Variants in SPPL3 observed in about 807,000 individuals in gnomAD.
SPPL3 encodes signal peptide peptidase like 3.
A neutral mutation model predicts 42.4 loss-of-function variants in SPPL3; 5 were observed. That is an observed-to-expected ratio of 0.12 (90% CI 0.06 to 0.25). The LOEUF (loss-of-function observed/expected upper bound fraction) is 0.25. SPPL3 is among the 10% of genes least tolerant of loss of function. The pLI, the probability that SPPL3 is intolerant of heterozygous loss-of-function variation, is 1.00. For missense variants in SPPL3, 235 were observed against 489.0 expected (o/e 0.48, Z 4.90); for synonymous variants, 195 against 181.8 (o/e 1.07, Z -0.58).
rs142660253 is a variant in SPPL3, at chr12:120,886,204, G to C, written c.23+17641C>G. Among the ~76,000 whole-genome samples, 370 of 151,932 alleles carry C rather than the reference G, an allele frequency of 2.4e-3. 6 individuals carry two copies. The highest frequency in any genetic ancestry group is 3.7e-4 in the Non-Finnish European group (25 of 67,978). The stretch of plus-strand genomic sequence containing the variant: ...TTCTAGTAATCAACTGACTGACTAG[G>C]AGACACAATCTATACAACAGCCCAC... On this transcript the variant is annotated intron_variant, in intron 1 of 10. Transcript: ENST00000353487.
At chr12:120,827,615 A>G (rs1043011991) in intron 1 of SPPL3, among the ~76,000 whole-genome samples, 1 of 152,126 alleles carries the variant, frequency 6.6e-6, no homozygotes, top group Admixed American at 6.6e-5. Flanking sequence ...TTCTAGATCC[A>G]GAGGTCATGC....
At chr12:120,903,584 C>A in intron 1 of SPPL3, 2 of 451,506 alleles carry the variant, frequency 4.4e-6, no homozygotes, top group African/African-American at 2.1e-5. Context: ...TTCTCCATCA[C>A]CTGCTCCGCC....
intron 1 of SPPL3, among the ~76,000 whole-genome samples, chr12:120,900,127 C>T (rs540052132): frequency 2.0e-5 from 3 of 152,206 alleles, no homozygotes; most frequent in African/African-American, 7.2e-5. Context: ...CATCACCCAG[C>T]TCCAGTAATG....
intron 5 of SPPL3, among the ~76,000 whole-genome samples, chr12:120,783,168 G>A (rs1040900106): frequency 2.0e-5 from 3 of 152,156 alleles, no homozygotes; most frequent in African/African-American, 4.8e-5. Context: ...ATTCCTGCGA[G>A]CATCAGCTGC....
intron 2 of SPPL3, among the ~76,000 whole-genome samples, chr12:120,806,095 GAAC>G (rs1158024456): frequency 6.9e-6 from 1 of 144,712 alleles, no homozygotes; most frequent in Non-Finnish European, 1.5e-5. Context: ...ATTTGTAAAA[GAAC>G]AACACTTACT....
At position 120,782,783 on chromosome 12, in the gene SPPL3, C is replaced by T; in HGVS notation, c.390-16G>A. The T allele has an allele frequency of 6.4e-7, 1 of 1,572,190 alleles. No homozygotes were observed. On this transcript the variant is annotated splice_polypyrimidine_tract_variant and intron_variant, in intron 5 of 10. Coordinates refer to ENST00000353487, the MANE Select transcript of SPPL3 (RefSeq NM_139015.5). ...AAAGGAAATCCTGGAAAACACACAA[C>T]ACTTATTGGACAGTGGGCACACTTT...
intron 2 of SPPL3, among the ~76,000 whole-genome samples, chr12:120,798,902 G>A (rs141219070): frequency 6.6e-6 from 1 of 152,250 alleles, no homozygotes; most frequent in Non-Finnish European, 1.5e-5. Flanking sequence ...AGCTGCTACG[G>A]AGCCTCTCCC....
At chr12:120,802,164 G>C (rs895391950) in intron 2 of SPPL3, among the ~76,000 whole-genome samples, 5 of 152,002 alleles carry the variant, frequency 3.3e-5, no homozygotes, top group African/African-American at 7.2e-5. Context: ...TTCTAGGCCT[G>C]CCTTTAGGAA....
At chr12:120,789,109 G>A (rs1869819659) in intron 3 of SPPL3, among the ~76,000 whole-genome samples, 3 of 152,196 alleles carry the variant, frequency 2.0e-5, no homozygotes, top group Non-Finnish European at 4.4e-5. Flanking sequence ...AGCAGGCACT[G>A]AAGAAATGTT....
intron 1 of SPPL3, among the ~76,000 whole-genome samples, chr12:120,863,516 T>C (rs752195584): frequency 2.0e-5 from 3 of 152,206 alleles, no homozygotes; most frequent in Non-Finnish European, 4.4e-5. Flanking sequence ...CTATGATATA[T>C]AGTTTGGTTC....
At chr12:120,864,582 C>G (rs938393921) in intron 1 of SPPL3, among the ~76,000 whole-genome samples, 1 of 152,122 alleles carries the variant, frequency 6.6e-6, no homozygotes, top group African/African-American at 2.4e-5. Context: ...GCCCAAAAAT[C>G]TTATCACTGG....
chr12:120,853,307 C>G (rs1872324871), intron 1 of SPPL3, among the ~76,000 whole-genome samples: 1 of 152,130 alleles, frequency 6.6e-6, no homozygotes, highest in African/African-American at 2.4e-5. Context: ...GTCTACAGAA[C>G]TATATTATAT....
In SPPL3 at chr12:120,779,820, C is replaced by CAAAAAAAAAAAAAA. The variant is rs1164272443; in HGVS notation, c.502+2821_502+2834dup. On this transcript the variant is annotated intron_variant, in intron 6 of 10. Transcript: ENST00000353487. The stretch of plus-strand genomic sequence containing the variant: ...CGAAACCTTGTCTCTACTAAAAATA[C>CAAAAAAAAAAAAAA]AAAAAAAAAAAAAAAAAAAAAAAAA... 7.2e-4 allele frequency among the ~76,000 whole-genome samples: 31 copies of CAAAAAAAAAAAAAA among 42,774 alleles called. 1 individual carries two copies. Among genetic ancestry groups the CAAAAAAAAAAAAAA allele is most frequent in the African/African-American group, 1.7e-3 (19 of 11,452 alleles). The allele number at this position is 42,774 out of a possible 152,430, so 28.1% of individuals were successfully genotyped here. A position where few individuals can be genotyped will look rare whatever the true frequency, so the allele number is the denominator to read the frequency against.
intron 1 of SPPL3, among the ~76,000 whole-genome samples, chr12:120,875,637 A>G (rs1015708031): frequency 4.6e-5 from 7 of 152,016 alleles, no homozygotes; most frequent in Non-Finnish European, 1.0e-4. Flanking sequence ...AAAAAAAAAA[A>G]AGAGATAAAA....
intron 1 of SPPL3, among the ~76,000 whole-genome samples, chr12:120,813,321 T>A (rs1698858076): frequency 6.6e-6 from 1 of 150,634 alleles, no homozygotes; most frequent in African/African-American, 2.4e-5. Flanking sequence ...TCCTCAGCTT[T>A]TTTTTTTTTT....
intron 1 of SPPL3, among the ~76,000 whole-genome samples, chr12:120,853,475 A>G (rs1872331180): frequency 6.6e-6 from 1 of 152,226 alleles, no homozygotes; most frequent in African/African-American, 2.4e-5. Flanking sequence ...AATGTACACA[A>G]TAGTAGCAAA....
chr12:120,855,054 G>T (rs1872405799), intron 1 of SPPL3, among the ~76,000 whole-genome samples: 1 of 152,150 alleles, frequency 6.6e-6, no homozygotes, highest in Non-Finnish European at 1.5e-5. Context: ...CCTACTTCTA[G>T]TGTGTAGGAA....
At chr12:120,897,028 A>C (rs1479594362) in intron 1 of SPPL3, among the ~76,000 whole-genome samples, 1 of 152,242 alleles carries the variant, frequency 6.6e-6, no homozygotes, top group Non-Finnish European at 1.5e-5. Flanking sequence ...TTCTCTTTTT[A>C]GGACATCTCT....
At chr12:120,800,478 G>C (rs1474401376) in intron 2 of SPPL3, among the ~76,000 whole-genome samples, 9 of 152,074 alleles carry the variant, frequency 5.9e-5, no homozygotes, top group Admixed American at 1.3e-4. Context: ...ACTCCACCCT[G>C]GGCAAAAGAA....
Sources: gnomAD v4.1 joint callset for allele counts (sites outside exome capture counted in the v4.1 genomes callset) on GRCh38, gnomAD v4.1.1 for gene constraint, MANE v1.5 for transcripts, NCBI Gene and HGNC (gene_info 2026-07-23, HGNC 2026-07-21) for gene names.